Variants in ARHGAP22 observed in about 807,000 individuals in gnomAD.
The protein encoded by ARHGAP22 is rho GTPase-activating protein 22.
Under a neutral mutation model 59.1 loss-of-function variants are expected in ARHGAP22, and 48 were observed. The ratio of observed to expected loss-of-function variants is 0.81; its 90% CI spans 0.64 to 1.03. ARHGAP22 has a LOEUF of 1.03. ARHGAP22 is among the 50% of genes least tolerant of loss of function. The probability of loss-of-function intolerance (pLI) is 0.00; values close to 1 mark genes in which losing one functional copy is unlikely to be tolerated. For synonymous variants in ARHGAP22, 445 were observed against 416.4 expected (o/e 1.07, Z -0.84); for missense variants, 1,015 against 958.7 (o/e 1.06, Z -0.78).
At chr10:48,650,105 A>G (rs1049121678) in intron 1 of ARHGAP22, among the ~76,000 whole-genome samples, 2 of 146,100 alleles carry the variant, frequency 1.4e-5, no homozygotes, top group African/African-American at 2.5e-5. Context: ...CGAGAGACCA[A>G]GGATGGGGAG....
intron 3 of ARHGAP22, among the ~76,000 whole-genome samples, chr10:48,544,735 C>A (rs917118995): frequency 2.0e-5 from 3 of 152,080 alleles, no homozygotes; most frequent in African/African-American, 7.2e-5. Flanking sequence ...TACATAATTT[C>A]AAATAGGAGG....
In ARHGAP22 at chr10:48,451,607, C is replaced by T. The variant is rs2045956839; in HGVS notation, c.989-467G>A. On this transcript the variant is annotated intron_variant, in intron 8 of 9. Transcript: ENST00000249601. The stretch of plus-strand genomic sequence containing the variant: ...TGGGACAGGGAATAGAGCCATCTTT[C>T]CTGTGTGGGGGCACACACATACAAT... The T allele has an allele frequency of 4.3e-6, 3 of 698,652 alleles. No individual in the cohort carries two copies. The South Asian group carries it at 4.5e-5, about 10-fold the overall frequency. The allele number at this position is 698,652 out of a possible 1,614,324, so 43.3% of individuals were successfully genotyped here.
intron 2 of ARHGAP22, among the ~76,000 whole-genome samples, chr10:48,559,855 T>C (rs1007511482): frequency 1.3e-5 from 2 of 152,238 alleles, no homozygotes; most frequent in African/African-American, 4.8e-5. Context: ...TCTTTTATAG[T>C]AAATCTTTGG....
intron 3 of ARHGAP22, among the ~76,000 whole-genome samples, chr10:48,540,585 A>C (rs1427967529): frequency 6.6e-6 from 1 of 152,048 alleles, no homozygotes; most frequent in Non-Finnish European, 1.5e-5. Flanking sequence ...CCCTATAGAA[A>C]TCTATATATT....
rs77970957 is a variant in ARHGAP22 at position 48,528,002 on chromosome 10, T to A, written c.322+27461A>T. Reference sequence around the variant, plus strand: ...CTTTGAGGACAAAGTTTCTATGGGATAGAGGCTGCCCCATTCATCCAGAGC... The same window carrying A: ...CTTTGAGGACAAAGTTTCTATGGGAAAGAGGCTGCCCCATTCATCCAGAGC... On this transcript the variant is annotated intron_variant, in intron 3 of 9. Coordinates refer to ENST00000249601, the MANE Select transcript of ARHGAP22 (RefSeq NM_021226.4). 2.5e-3 allele frequency among the ~76,000 whole-genome samples: 376 copies of A among 152,288 alleles called. 1 individual carries two copies. The highest frequency in any genetic ancestry group is 3.9e-3 in the Non-Finnish European group (267 of 68,022).
intron 2 of ARHGAP22, among the ~76,000 whole-genome samples, chr10:48,576,672 A>G (rs1032984269): frequency 1.3e-5 from 2 of 152,200 alleles, no homozygotes; most frequent in Non-Finnish European, 2.9e-5. Context: ...AGAGTTCTAC[A>G]CGGCTTATCA....
chr10:48,602,457 GA>G (rs200823559), intron 1 of ARHGAP22, among the ~76,000 whole-genome samples: 21 of 151,498 alleles, frequency 1.4e-4, no homozygotes, highest in South Asian at 2.1e-4. Context: ...GGTACATCTA[GA>G]AAAAAAACCC....
Position 48,455,046 on chromosome 10 carries a change from C to T in ARHGAP22, c.748G>A (p.Asp250Asn). Residue 250 changes from aspartate (D) to asparagine (N), a missense_variant, in exon 6 of 10, where the codon GAC becomes AAC. Coordinates refer to ENST00000249601, the MANE Select transcript of ARHGAP22 (RefSeq NM_021226.4). ...EPVVPFARYE[D>N]FLSCAQLLTK... is the part of the protein sequence containing the mutation. ...AGCAGCTGGGCGCAGCTGAGGAAGTCCTCGTACCTGGCGAAGGGGACCACG... is the reference window on the plus strand; with the variant it reads ...AGCAGCTGGGCGCAGCTGAGGAAGTTCTCGTACCTGGCGAAGGGGACCACG... 4 of 1,612,050 alleles carry T rather than the reference C, an allele frequency of 2.5e-6. No homozygotes were observed. Among genetic ancestry groups the T allele is most frequent in the African/African-American group, 1.3e-5 (1 of 75,044 alleles).
intron 3 of ARHGAP22, among the ~76,000 whole-genome samples, chr10:48,487,565 A>T (rs1271239508): frequency 1.3e-5 from 2 of 152,140 alleles, no homozygotes; most frequent in Non-Finnish European, 2.9e-5. Flanking sequence ...TTGAAGGTGG[A>T]GGAAGGGAGC....
intron 1 of ARHGAP22, among the ~76,000 whole-genome samples, chr10:48,597,149 G>A (rs2060116759): frequency 6.6e-6 from 1 of 152,208 alleles, no homozygotes; most frequent in South Asian, 2.1e-4. Context: ...GGCTGGACAT[G>A]CACCTCTCCT....
intron 3 of ARHGAP22, among the ~76,000 whole-genome samples, chr10:48,539,113 G>C (rs1477931184): frequency 6.6e-6 from 1 of 152,108 alleles, no homozygotes; most frequent in African/African-American, 2.4e-5. Flanking sequence ...TAAACAAAAG[G>C]TTTCAGCAGC....
chr10:48,458,819 A>C (rs1245055997), intron 5 of ARHGAP22, among the ~76,000 whole-genome samples: 2 of 152,162 alleles, frequency 1.3e-5, no homozygotes, highest in African/African-American at 4.8e-5. Context: ...TGGGTGGAGC[A>C]CCGCTAGGGA....
intron 7 of ARHGAP22, 139 bp from the exon 8 acceptor site, chr10:48,453,564 T>C: frequency 1.5e-6 from 2 of 1,302,016 alleles, no homozygotes; most frequent in Non-Finnish European, 2.1e-6. Context: ...AGCCTGCCTC[T>C]GCCAGGCTCG....
chr10:48,479,557 G>A (rs777846675), intron 4 of ARHGAP22, 79 bp downstream of exon 4: 1 of 1,608,858 alleles, frequency 6.2e-7, no homozygotes, highest in Non-Finnish European at 8.5e-7. Context: ...CAGGGTCTTT[G>A]GGGCTCAGGA....
rs1414902781 is a variant in ARHGAP22, at chr10:48,454,893, G to A, written c.792+109C>T. The A allele has an allele frequency of 5.3e-6, 6 of 1,142,172 alleles. No homozygotes were observed. In the African/African-American group the frequency reaches 6.7e-5, roughly 13 times the overall value. The allele number at this position is 1,142,172 out of a possible 1,614,324, so 70.8% of individuals were successfully genotyped here. ...ACCCCCAACACAGCAGGCCTCCACA[G>A]GATCCATGTGCCATGAAAATTCATG... is the stretch of plus-strand genomic sequence containing the variant. On this transcript the variant is annotated intron_variant, in intron 6 of 9. Coordinates refer to ENST00000249601, the MANE Select transcript of ARHGAP22 (RefSeq NM_021226.4).
chr10:48,450,862 G>A lies in ARHGAP22; in HGVS notation c.1267C>T (p.Gln423Ter), dbSNP rs758362629. Residue 423 changes from glutamine to a stop codon, truncating the protein, a stop_gained, in exon 9 of 10, where the codon CAG becomes TAG. Coordinates refer to ENST00000249601, the MANE Select transcript of ARHGAP22 (RefSeq NM_021226.4). LOFTEE classifies it high-confidence loss of function. ...GSRCSPGKKV[Q>*]TLPSWKSSFR... ...GAGGACTTCCAACTGGGCAGGGTCTGCACCTTCTTCCCAGGGCTGCACCGG... is the reference window on the plus strand; with the variant it reads ...GAGGACTTCCAACTGGGCAGGGTCTACACCTTCTTCCCAGGGCTGCACCGG... The A allele has an allele frequency of 1.3e-6, 2 of 1,590,610 alleles. No individual in the cohort carries two copies. The highest frequency in any genetic ancestry group is 1.2e-5 in the South Asian group (1 of 86,502).
intron 3 of ARHGAP22, among the ~76,000 whole-genome samples, chr10:48,481,914 G>GA (rs2049361566): frequency 6.6e-6 from 1 of 152,166 alleles, no homozygotes. Context: ...CGTTTTTGGT[G>GA]AAATATCTGT....
chr10:48,457,569 C>T (rs1354425134), intron 5 of ARHGAP22, among the ~76,000 whole-genome samples: 1 of 152,184 alleles, frequency 6.6e-6, no homozygotes, highest in African/African-American at 2.4e-5. Context: ...GTCCATGCAG[C>T]CCTAGGCTCC....
At chr10:48,651,979 G>T (rs753536127) in intron 1 of ARHGAP22, among the ~76,000 whole-genome samples, 9 of 152,094 alleles carry the variant, frequency 5.9e-5, no homozygotes, top group Non-Finnish European at 1.0e-4. Flanking sequence ...TGCAATCAGA[G>T]CCCTGAGTCA....
Sources: gnomAD v4.1 joint callset for allele counts (sites outside exome capture counted in the v4.1 genomes callset) on GRCh38, gnomAD v4.1.1 for gene constraint, MANE v1.5 for transcripts, NCBI Gene and HGNC (gene_info 2026-07-23, HGNC 2026-07-21) for gene names.